SLC27A4: variants seen among roughly 807,000 people sequenced by gnomAD.
SLC27A4 encodes the protein long-chain fatty acid transport protein 4.
Under a neutral mutation model 64.4 loss-of-function variants are expected in SLC27A4, and 33 were observed. That is an observed-to-expected ratio of 0.51 (90% CI 0.39 to 0.68). The LOEUF (loss-of-function observed/expected upper bound fraction) is 0.68. Ranked by LOEUF, SLC27A4 falls within the 30% of genes least tolerant of loss-of-function variation. SLC27A4 has a pLI of 0.00. For missense variants in SLC27A4, 824 were observed against 883.5 expected, an observed-to-expected ratio of 0.93 and a Z score of 0.85; for synonymous variants, 377 against 370.0, an observed-to-expected ratio of 1.02 and a Z score of -0.22.
At position 128,352,630 on chromosome 9, in the gene SLC27A4, G is replaced by C; in HGVS notation, c.878-8G>C. 6.2e-7 allele frequency: 1 copy of C among 1,611,446 alleles called. No homozygotes were observed. The highest frequency in any genetic ancestry group is 8.5e-7 in the Non-Finnish European group (1 of 1,177,566). On this transcript the variant is annotated splice_region_variant and splice_polypyrimidine_tract_variant and intron_variant, in intron 6 of 12. Transcript: ENST00000300456. ...GCTGACCCTCAGGGGCCATCCCTCT[G>C]CCTCCAGGAAACATCGTGGGAATCG...
chr9:128,351,501 G>A (rs1198733277), intron 6 of SLC27A4, among the ~76,000 whole-genome samples: 1 of 152,016 alleles, frequency 6.6e-6, no homozygotes, highest in African/African-American at 2.4e-5. Context: ...AGTGGATCAC[G>A]AGGTCAGGAG....
rs182762235 is a variant in SLC27A4, at chr9:128,342,912, T to G, written c.-6-215T>G. The G allele has an allele frequency of 7.5e-4, 455 of 602,728 alleles. 1 individual carries two copies. The highest frequency in any genetic ancestry group is 1.2e-3 in the Non-Finnish European group (419 of 337,812). 37.3% of individuals were successfully genotyped at this position (602,728 alleles called of 1,614,324 possible). On this transcript the variant is annotated intron_variant, in intron 1 of 12. Transcript: ENST00000300456. ...CGAGAACCAGCCTCCTGCTTCTCAC[T>G]CTTGGAATTCCTCACCTCAAGTGCC...
In SLC27A4 at chr9:128,355,555, G is replaced by C; in HGVS notation, c.1620G>C (p.Glu540Asp). The change falls in exon 11 of 13, where the codon GAG becomes GAC. Residue 540 changes from glutamate to aspartate, a missense_variant. Physicochemically the swap from Glu to Asp is conservative, Grantham distance 45 (BLOSUM62 2). Transcript: ENST00000300456. The stretch of plus-strand genomic sequence containing the variant: ...CTGACGTGGCCGTGTATGGTGTCGA[G>C]GTGCCAGGTATGTGCAGGCAGGCGC... ...DMADVAVYGV[E>D]VPGTEGRAGM... 1.2e-6 allele frequency: 2 copies of C among 1,610,708 alleles called. No homozygotes were observed. Among genetic ancestry groups the C allele is most frequent in the Non-Finnish European group, 8.5e-7 (1 of 1,180,012 alleles).
rs187089205 is a variant in SLC27A4, at chr9:128,346,887, C to T, written c.556+1338C>T. 1.1e-4 allele frequency among the ~76,000 whole-genome samples: 16 copies of T among 152,036 alleles called. No individual in the cohort carries two copies. The East Asian group carries it at 3.1e-3, about 29-fold the overall frequency. On this transcript the variant is annotated intron_variant, in intron 3 of 12. Transcript: ENST00000300456. ...GAGCATGGTGGTGCGCACCTGTAGTCCCAGCTACTCGGGAGACTGAGGTAG... is the reference window on the plus strand; with the variant it reads ...GAGCATGGTGGTGCGCACCTGTAGTTCCAGCTACTCGGGAGACTGAGGTAG...
intron 3 of SLC27A4, among the ~76,000 whole-genome samples, chr9:128,347,726 A>G (rs1007524574): frequency 1.3e-5 from 2 of 150,748 alleles, no homozygotes; most frequent in Non-Finnish European, 3.0e-5. Flanking sequence ...AAAAAAAAAA[A>G]AGATGCTGAA....
At position 128,343,242 on chromosome 9, in the gene SLC27A4, G is replaced by A; in HGVS notation, c.110G>A (p.Gly37Asp). Residue 37 changes from glycine to aspartate, a missense_variant, in exon 2 of 13, where the codon GGC becomes GAC. By Grantham distance (94) the Gly-to-Asp change is moderately conservative. Transcript: ENST00000300456. ...FSLLFLYLGS[G>D]GWRFIRVFIK... ...CTGTTGTTCCTCTACTTGGGATCTG[G>A]CGGCTGGCGCTTCATCCGGGTCTTC... is the stretch of plus-strand genomic sequence containing the variant. 1 of 1,614,142 alleles carries A rather than the reference G, an allele frequency of 6.2e-7. No homozygotes were observed. Among genetic ancestry groups the A allele is most frequent in the South Asian group, 1.1e-5 (1 of 91,078 alleles).
rs1440691306 is a variant in SLC27A4, at chr9:128,350,484, G to T, written c.786G>T (p.Arg262Ser). 6.2e-7 allele frequency: 1 copy of T among 1,613,928 alleles called. No individual in the cohort carries two copies. The highest frequency in any genetic ancestry group is 8.5e-7 in the Non-Finnish European group (1 of 1,179,980). ...AGCCCTTGGCCCTGTGCCTTCCCAG[G>T]TATTACCGCATGGCTGCCCTGGTGT... Reference protein sequence around the residue: ...LPKAAIVVHSRYYRMAALVYY... With the variant: ...LPKAAIVVHSSYYRMAALVYY... Residue 262 changes from arginine to serine, a missense_variant and splice_region_variant, in exon 6 of 13, where the codon AGG becomes AGT. Arg to Ser is a moderately radical substitution (Grantham distance 110, BLOSUM62 -1). Transcript: ENST00000300456.
Position 128,353,669 on chromosome 9 carries a change from C to T in SLC27A4, c.1324+128C>T, listed in dbSNP as rs539874976. Reference sequence around the variant, plus strand: ...TCTCTGCTCTTAGGGTTACAAGTTACTCATTTATTTGTGTATCCATCCATT... The same window carrying T: ...TCTCTGCTCTTAGGGTTACAAGTTATTCATTTATTTGTGTATCCATCCATT... On this transcript the variant is annotated intron_variant, in intron 9 of 12. Transcript: ENST00000300456. This position sits in a 1 kb window ranked among gnomAD's most constrained non-coding sequence, Gnocchi z 4.9. 20 of 936,298 alleles carry T rather than the reference C, an allele frequency of 2.1e-5. No homozygotes were observed. The highest frequency in any genetic ancestry group is 6.7e-4 in the Middle Eastern group (2 of 2,970). The allele number at this position is 936,298 out of a possible 1,614,324, so 58.0% of individuals were successfully genotyped here.
At chr9:128,355,004 G>C in intron 9 of SLC27A4, 49 bp from the exon 10 acceptor site, 3 of 1,587,256 alleles carry the variant, frequency 1.9e-6, no homozygotes, top group Non-Finnish European at 2.6e-6. Flanking sequence ...GACAGGACGG[G>C]TGGGAGAGGC....
intron 1 of SLC27A4, 59 bp downstream of exon 1, chr9:128,340,897 G>T: frequency 1.8e-6 from 1 of 547,966 alleles, no homozygotes. Flanking sequence ...GCCGAGTCGG[G>T]CGAGGTGGCG....
At position 128,345,073 on chromosome 9, in the gene SLC27A4, G is replaced by C. The variant is rs1165487990; in HGVS notation, c.162-82G>C. ...TCTGGCTCATGAAGCATAGGCTGGC[G>C]AGGCAGCAGCCTGGGGTAGGGTGTC... On this transcript the variant is annotated intron_variant, in intron 2 of 12. Transcript: ENST00000300456. The surrounding 1 kb of genome is among the most constrained non-coding windows in gnomAD (Gnocchi z 4.1). The C allele has an allele frequency of 1.1e-5, 18 of 1,574,162 alleles. No homozygotes were observed. In the South Asian group the frequency reaches 2.0e-4, roughly 18 times the overall value.
chr9:128,357,782 C>T (rs1588567243), intron 12 of SLC27A4, among the ~76,000 whole-genome samples: 1 of 152,366 alleles, frequency 6.6e-6, no homozygotes, highest in East Asian at 1.9e-4. Context: ...GCACATTTCC[C>T]TGGCCACCTC....
At position 128,355,388 on chromosome 9, in the gene SLC27A4, C is replaced by T; in HGVS notation, c.1463-10C>T. The T allele has an allele frequency of 6.2e-7, 1 of 1,613,542 alleles. No individual in the cohort carries two copies. The highest frequency in any genetic ancestry group is 8.5e-7 in the Non-Finnish European group (1 of 1,179,982). ...CAGGCCCAGCCCTGCCTCATCCGGC[C>T]CCTCCCTAGGTGATGTGCTGGTGAT... On this transcript the variant is annotated splice_polypyrimidine_tract_variant and intron_variant, in intron 10 of 12. Transcript: ENST00000300456.
intron 2 of SLC27A4, among the ~76,000 whole-genome samples, chr9:128,344,938 C>G (rs1832630568): frequency 6.6e-6 from 1 of 152,160 alleles, no homozygotes; most frequent in African/African-American, 2.4e-5. Context: ...CCTTGATTTC[C>G]TTCTGTGTAA....
rs961185117 is a variant in SLC27A4, at chr9:128,342,490, C to T, written c.-6-637C>T. The T allele has an allele frequency of 7.1e-6, 9 of 1,272,830 alleles. No homozygotes were observed. The East Asian group carries it at 7.7e-5, about 11-fold the overall frequency. The allele number at this position is 1,272,830 out of a possible 1,614,324, so 78.8% of individuals were successfully genotyped here. A position where few individuals can be genotyped will look rare whatever the true frequency, so the allele number is the denominator to read the frequency against. ...GGATCAAGTTTAAATGACTATGCTG[C>T]CCCTTTCACATCAAAGAACTACTGA... On this transcript the variant is annotated intron_variant, in intron 1 of 12. Coordinates refer to ENST00000300456, the MANE Select transcript of SLC27A4 (RefSeq NM_005094.4).
At chr9:128,351,730 A>G (rs9695928) in intron 6 of SLC27A4, among the ~76,000 whole-genome samples, 1 of 151,864 alleles carries the variant, frequency 6.6e-6, no homozygotes, top group Non-Finnish European at 1.5e-5. Context: ...ATAAATAAAT[A>G]AATTAATTTA....
In SLC27A4 at chr9:128,353,177, G is replaced by A. The variant is rs1241248082; in HGVS notation, c.1140G>A (p.Val380=). The change falls in exon 8 of 13, where the codon GTG becomes GTA. Residue 380 remains valine, a synonymous_variant. Coordinates refer to ENST00000300456, the MANE Select transcript of SLC27A4 (RefSeq NM_005094.4). This position sits in a 1 kb window ranked among gnomAD's most constrained non-coding sequence, Gnocchi z 4.9. ...NFSSRFHIPQ[V]AEFYGATECN... Reference sequence around the variant, plus strand: ...CCAGCCGCTTCCACATACCCCAGGTGGCTGAGTTCTACGGGGCCACAGAGT... The same window carrying A: ...CCAGCCGCTTCCACATACCCCAGGTAGCTGAGTTCTACGGGGCCACAGAGT... The A allele has an allele frequency of 6.2e-7, 1 of 1,614,062 alleles. No individual in the cohort carries two copies. Among genetic ancestry groups the A allele is most frequent in the Non-Finnish European group, 8.5e-7 (1 of 1,180,056 alleles).
chr9:128,352,462 C>T (rs1832751434), intron 6 of SLC27A4, among the ~76,000 whole-genome samples, 176 bp from the exon 7 acceptor site: 1 of 152,108 alleles, frequency 6.6e-6, no homozygotes, highest in Non-Finnish European at 1.5e-5. Flanking sequence ...AGGGAAGAGC[C>T]TGGTGATGGA....
chr9:128,342,779 A>G lies in SLC27A4; in HGVS notation c.-6-348A>G, dbSNP rs376122637. On this transcript the variant is annotated intron_variant, in intron 1 of 12. Transcript: ENST00000300456. ...TTAAAAACTTAAAAAAAAAAAGAAC[A>G]CGTCTCACTACACCCATTGCACAGA... 7.2e-4 allele frequency: 290 copies of G among 402,002 alleles called. 1 individual carries two copies. The highest frequency in any genetic ancestry group is 1.2e-3 in the Non-Finnish European group (261 of 213,636). 24.9% of individuals were successfully genotyped at this position (402,002 alleles called of 1,614,324 possible). A position where few individuals can be genotyped will look rare whatever the true frequency, so the allele number is the denominator to read the frequency against.
Sources: gnomAD v4.1 joint callset for allele counts (sites outside exome capture counted in the v4.1 genomes callset) on GRCh38, gnomAD v4.1.1 for gene constraint, Gnocchi (gnomAD v3.1) non-coding constraint, MANE v1.5 for transcripts, NCBI Gene and HGNC (gene_info 2026-07-23, HGNC 2026-07-21) for gene names.